Variants in RRM1 observed in about 807,000 individuals in gnomAD.
RRM1 encodes the protein ribonucleotide reductase catalytic subunit M1, also known as ribonucleoside-diphosphate reductase large subunit.
A neutral mutation model predicts 101.5 loss-of-function variants in RRM1; 19 were observed. The ratio of observed to expected loss-of-function variants is 0.19; its 90% CI spans 0.13 to 0.27. RRM1 has a LOEUF of 0.27. RRM1 is among the 10% of genes least tolerant of loss of function. The probability of loss-of-function intolerance (pLI) is 1.00; values close to 1 mark genes in which losing one functional copy is unlikely to be tolerated. For missense variants in RRM1, 500 were observed against 962.9 expected (o/e 0.52, Z 6.36); for synonymous variants, 298 against 323.4 (o/e 0.92, Z 0.84).
intron 12 of RRM1, among the ~76,000 whole-genome samples, chr11:4,124,136 A>G (rs1296467761): frequency 6.6e-6 from 1 of 152,214 alleles, no homozygotes; most frequent in African/African-American, 2.4e-5. Context: ...GAAGGGAGAT[A>G]GAAGGTAGAA....
intron 8 of RRM1, chr11:4,119,622 T>C (rs369129193): frequency 8.5e-6 from 4 of 470,796 alleles, no homozygotes; most frequent in African/African-American, 7.9e-5. Flanking sequence ...CATTATAAAT[T>C]AGAAATGCCA....
At chr11:4,130,557 G>A (rs1252503256) in intron 15 of RRM1, among the ~76,000 whole-genome samples, 1 of 152,044 alleles carries the variant, frequency 6.6e-6, no homozygotes, top group Non-Finnish European at 1.5e-5. Context: ...TTAGCTGGGC[G>A]TGGTGGTGCA....
chr11:4,118,974 A>G (rs968139270), intron 8 of RRM1: 14 of 152,446 alleles, frequency 9.2e-5, no homozygotes, highest in African/African-American at 3.4e-4. Flanking sequence ...CCAGGATTCA[A>G]GATTTATGCA....
At chr11:4,109,798 G>C in intron 5 of RRM1, 95 bp downstream of exon 5, 1 of 971,748 alleles carries the variant, frequency 1.0e-6, no homozygotes, top group South Asian at 1.6e-5. Context: ...AAGGCCATAA[G>C]TTGTTTGGAG....
chr11:4,097,718 A>G (rs1565177342), intron 1 of RRM1, among the ~76,000 whole-genome samples: 1 of 152,124 alleles, frequency 6.6e-6, no homozygotes, highest in Admixed American at 6.6e-5. Flanking sequence ...CAGCCTCCTC[A>G]GTAGCTGGGA....
rs867425411 is a variant in RRM1 at position 4,133,596 on chromosome 11, G to A, written c.1939G>A (p.Glu647Lys). Residue 647 changes from glutamate to lysine, a missense_variant, in exon 17 of 19, where the codon GAG (glutamate) becomes AAG (lysine). Coordinates refer to ENST00000300738, the MANE Select transcript of RRM1 (RefSeq NM_001033.5). ...TCCTCACTTATTGAAAGATCTTACC[G>A]AGCGGGGCCTATGGCATGAAGAGAT... ...VNPHLLKDLT[E>K]RGLWHEEMKN... 2.5e-6 allele frequency: 4 copies of A among 1,611,690 alleles called. No homozygotes were observed. Among genetic ancestry groups the A allele is most frequent in the Middle Eastern group, 3.3e-4 (2 of 6,060 alleles).
chr11:4,129,144 T>A lies in RRM1; in HGVS notation c.1763T>A (p.Ile588Asn), dbSNP rs1452066561. Residue 588 changes from isoleucine to asparagine, a missense_variant, in exon 15 of 19, where the codon ATT becomes AAT. Around this residue, in one of 9 missense-constraint regions of RRM1, gnomAD observed 106 missense variants for 138.1 expected, o/e 0.77. Coordinates refer to ENST00000300738, the MANE Select transcript of RRM1 (RefSeq NM_001033.5). ...GACTGGAAGGTTCTCAAGGAGAAGA[T>A]TGCAAAGTAAGTGAAAAGATGTAAA... ...LWDWKVLKEK[I>N]AKYGIRNSLL... is the part of the protein sequence containing the mutation. 6.3e-7 allele frequency: 1 copy of A among 1,593,972 alleles called. No individual in the cohort carries two copies.
chr11:4,120,373 T>C (rs1189141165), intron 9 of RRM1, among the ~76,000 whole-genome samples: 1 of 152,100 alleles, frequency 6.6e-6, no homozygotes, highest in Non-Finnish European at 1.5e-5. Context: ...TAGGTTTTTC[T>C]TTCGTTTTTT....
intron 2 of RRM1, among the ~76,000 whole-genome samples, chr11:4,102,715 G>A (rs2094553295): frequency 6.6e-6 from 1 of 151,772 alleles, no homozygotes. Context: ...TATTTAGGTA[G>A]GGACTGGTTT....
chr11:4,126,971 C>A, intron 13 of RRM1, 64 bp from the exon 14 acceptor site: 1 of 1,483,992 alleles, frequency 6.7e-7, no homozygotes, highest in Non-Finnish European at 9.2e-7. Flanking sequence ...TCATTTGGTA[C>A]AGAATGTTGC....
chr11:4,112,337 G>A (rs1185090478), intron 7 of RRM1, among the ~76,000 whole-genome samples: 9 of 152,098 alleles, frequency 5.9e-5, no homozygotes, highest in Non-Finnish European at 1.2e-4. Flanking sequence ...TTTAAATGGG[G>A]AATTATATTA....
In RRM1 at chr11:4,125,712, A is replaced by G. The variant is rs1035620811; in HGVS notation, c.1321-972A>G. Among the ~76,000 whole-genome samples, 5 of 152,158 alleles carry G rather than the reference A, an allele frequency of 3.3e-5. No individual in the cohort carries two copies. The South Asian group carries it at 8.3e-4, about 25-fold the overall frequency. ...TCTTTGTTCATATGTAACATTTTCA[A>G]TGAGGTCCTTCTTGACAATTCTGTT... On this transcript the variant is annotated intron_variant, in intron 12 of 18. Coordinates refer to ENST00000300738, the MANE Select transcript of RRM1 (RefSeq NM_001033.5).
In RRM1 at chr11:4,110,342, G is replaced by A. The variant is rs145830111; in HGVS notation, c.447+639G>A. On this transcript the variant is annotated intron_variant, in intron 5 of 18. Transcript: ENST00000300738. ...TAATGTTTGTATTTTTAGTAGAGAC[G>A]GAGTTTCACCATGTTGGCCAGTCTG... Among the ~76,000 whole-genome samples the A allele has an allele frequency of 6.6e-3, 1,000 of 152,056 alleles. 13 individuals are homozygous for A. The highest frequency in any genetic ancestry group is 0.022 in the African/African-American group (917 of 41,508).
intron 1 of RRM1, among the ~76,000 whole-genome samples, chr11:4,096,894 T>C (rs1398046281): frequency 6.6e-6 from 1 of 152,096 alleles, no homozygotes; most frequent in Non-Finnish European, 1.5e-5. Flanking sequence ...TGAAAATGTA[T>C]GGACTTAGAT....
chr11:4,101,314 GA>G (rs2094550557), intron 1 of RRM1, among the ~76,000 whole-genome samples: 1 of 151,024 alleles, frequency 6.6e-6, no homozygotes, highest in Non-Finnish European at 1.5e-5. Flanking sequence ...GGATTCTGTG[GA>G]TTTTTTTTTT....
Position 4,106,043 on chromosome 11 carries a change from T to C in RRM1, c.109-3T>C. The C allele has an allele frequency of 6.2e-7, 1 of 1,605,380 alleles. No individual in the cohort carries two copies. Among genetic ancestry groups the C allele is most frequent in the Non-Finnish European group, 8.5e-7 (1 of 1,177,630 alleles). The stretch of plus-strand genomic sequence containing the variant: ...CAAGTAATTCTTGGTTTTATTTTTG[T>C]AGGCTCAGATCACCATGAAAGTAAT... On this transcript the variant is annotated splice_region_variant and splice_polypyrimidine_tract_variant and intron_variant, in intron 2 of 18. Transcript: ENST00000300738.
At chr11:4,125,208 C>A (rs897149593) in intron 12 of RRM1, among the ~76,000 whole-genome samples, 3 of 152,060 alleles carry the variant, frequency 2.0e-5, no homozygotes, top group Admixed American at 6.6e-5. Flanking sequence ...CCACCGTGAC[C>A]GGCCTGTAGT....
Position 4,119,847 on chromosome 11 carries a change from T to G in RRM1, c.795T>G (p.Thr265=). The change falls in exon 9 of 19, where the codon ACT becomes ACG. Residue 265 remains threonine (T), a splice_region_variant and synonymous_variant. Coordinates refer to ENST00000300738, the MANE Select transcript of RRM1 (RefSeq NM_001033.5). ...IRATGSYIAG[T]NGNSNGLVPM... ...TTCTATCATGGTCTCTCTTTTAGAC[T>G]AATGGCAATTCCAATGGCCTTGTAC... 1.3e-6 allele frequency: 2 copies of G among 1,590,974 alleles called. No individual in the cohort carries two copies. The highest frequency in any genetic ancestry group is 1.7e-6 in the Non-Finnish European group (2 of 1,160,518).
At chr11:4,095,607 C>G (rs931535349) in intron 1 of RRM1, among the ~76,000 whole-genome samples, 1 of 152,112 alleles carries the variant, frequency 6.6e-6, no homozygotes, top group African/African-American at 2.4e-5. Flanking sequence ...AAAACAGATC[C>G]CAGACAGACA....
Sources: gnomAD v4.1 joint callset for allele counts (sites outside exome capture counted in the v4.1 genomes callset) on GRCh38, gnomAD v4.1.1 for gene constraint, gnomAD v4.1.1 regional missense constraint, MANE v1.5 for transcripts, NCBI Gene and HGNC (gene_info 2026-07-23, HGNC 2026-07-21) for gene names.